Variants in VPS28 observed in about 807,000 individuals in gnomAD.
VPS28 encodes the protein VPS28 subunit of ESCRT-I, also known as vacuolar protein sorting-associated protein 28 homolog.
Under a neutral mutation model 33.7 loss-of-function variants are expected in VPS28, and 29 were observed. That is an observed-to-expected ratio of 0.86 (90% CI 0.64 to 1.17). The LOEUF (loss-of-function observed/expected upper bound fraction) is 1.17. Among genes scored for constraint, VPS28 ranks in the 50% most tolerant of loss-of-function variants. VPS28 has a pLI of 0.00. For missense variants in VPS28, 247 were observed against 312.2 expected (o/e 0.79, Z 1.57); for synonymous variants, 164 against 116.7 (o/e 1.40, Z -2.61).
Position 144,424,551 on chromosome 8 carries a change from G to A in VPS28, c.402+167C>T, listed in dbSNP as rs1463727389. The stretch of plus-strand genomic sequence containing the variant: ...CGACAGGAGTCCAGGTGGCCTGGGG[G>A]CGTCCCCGCATGCTGCCCACCCCTC... On this transcript the variant is annotated intron_variant, in intron 7 of 9. Coordinates refer to ENST00000292510, the MANE Select transcript of VPS28 (RefSeq NM_016208.4). 1.0e-5 allele frequency: 9 copies of A among 859,686 alleles called. No homozygotes were observed. The Admixed American group carries it at 2.0e-4, about 19-fold the overall frequency. 53.3% of individuals were successfully genotyped at this position (859,686 alleles called of 1,614,324 possible).
At position 144,423,678 on chromosome 8, in the gene VPS28, G is replaced by C. The variant is rs1822518346; in HGVS notation, c.*127C>G. The C allele has an allele frequency of 7.9e-7, 1 of 1,269,112 alleles. No individual in the cohort carries two copies. The allele number at this position is 1,269,112 out of a possible 1,614,324, so 78.6% of individuals were successfully genotyped here. A position where few individuals can be genotyped will look rare whatever the true frequency, so the allele number is the denominator to read the frequency against. On this transcript the variant is annotated 3_prime_UTR_variant, in exon 10 of 10. Transcript: ENST00000292510. ...CGGCCCCCAAAGTTCTGACACCAAAGACAGACACCAGACAGGCAGCTGCAG... is the reference window on the plus strand; with the variant it reads ...CGGCCCCCAAAGTTCTGACACCAAACACAGACACCAGACAGGCAGCTGCAG...
rs1399651201 is a variant in VPS28, at chr8:144,424,084, G to A, written c.505C>T (p.His169Tyr). 6.4e-6 allele frequency: 10 copies of A among 1,561,702 alleles called. No individual in the cohort carries two copies. Among genetic ancestry groups the A allele is most frequent in the Non-Finnish European group, 8.7e-6 (10 of 1,150,618 alleles). The change falls in exon 9 of 10, where the codon CAC becomes TAC. Residue 169 changes from histidine (H) to tyrosine (Y), a missense_variant. Transcript: ENST00000292510. Reference sequence around the variant, plus strand: ...CGGCCCTCAAAGTCGGGTGGGAGGTGGCTCATGCGGTGCATGGTCTCCATC... The same window carrying A: ...CGGCCCTCAAAGTCGGGTGGGAGGTAGCTCATGCGGTGCATGGTCTCCATC... ...ELMETMHRMS[H>Y]LPPDFEGRQT...
In VPS28 at chr8:144,424,986, G is replaced by A. The variant is rs1554876336; in HGVS notation, c.260C>T (p.Ser87Leu). Residue 87 changes from serine to leucine, a missense_variant, in exon 6 of 10, where the codon TCA becomes TTA. By Grantham distance (145) the Ser-to-Leu change is moderately radical. Coordinates refer to ENST00000292510, the MANE Select transcript of VPS28 (RefSeq NM_016208.4). ...GAATTCGTCAATAGAGCTGATTTCT[G>A]AGCCCTGGACCTGCCTGAAGGCAGC... is the stretch of plus-strand genomic sequence containing the variant. ...YKAAFRQVQG[S>L]EISSIDEFCR... 1.3e-6 allele frequency: 2 copies of A among 1,560,328 alleles called. No individual in the cohort carries two copies. The highest frequency in any genetic ancestry group is 1.7e-6 in the Non-Finnish European group (2 of 1,151,242).
chr8:144,424,270 TG>T lies in VPS28; in HGVS notation c.403-3del. ...CTTGTCCATGACCGTGATGAAGAGC[TG>T]GGGGCAGGTGTGCACATGAGGCTCG... On this transcript the variant is annotated splice_region_variant and splice_polypyrimidine_tract_variant and intron_variant, in intron 7 of 9. Coordinates refer to ENST00000292510, the MANE Select transcript of VPS28 (RefSeq NM_016208.4). 1 of 1,600,154 alleles carries T rather than the reference TG, an allele frequency of 6.2e-7. No individual in the cohort carries two copies. Among genetic ancestry groups the T allele is most frequent in the Non-Finnish European group, 8.5e-7 (1 of 1,172,360 alleles).
rs1302875635 is a variant in VPS28 at position 144,425,838 on chromosome 8, C to G, written c.105-66G>C. 12 of 1,602,930 alleles carry G rather than the reference C, an allele frequency of 7.5e-6. No individual in the cohort carries two copies. In the African/African-American group the frequency reaches 1.2e-4, roughly 16 times the overall value. On this transcript the variant is annotated intron_variant, in intron 4 of 9. Transcript: ENST00000292510. ...CAAGCCTAGAGCCCAGAGTGCTACC[C>G]CCTGCCCGGAGGTGCCACTGCGGGC...
chr8:144,427,449 G>A (rs974205183), intron 1 of VPS28, among the ~76,000 whole-genome samples: 1 of 152,176 alleles, frequency 6.6e-6, no homozygotes, highest in Non-Finnish European at 1.5e-5. Flanking sequence ...AAAAAGTGAG[G>A]TACTATGGAC....
Position 144,426,208 on chromosome 8 carries a change from G to A in VPS28, c.38C>T (p.Ala13Val), listed in dbSNP as rs1822733097. 3 of 1,602,926 alleles carry A rather than the reference G, an allele frequency of 1.9e-6. No homozygotes were observed. The highest frequency in any genetic ancestry group is 8.5e-7 in the Non-Finnish European group (1 of 1,175,098). The change falls in exon 3 of 10, where the codon GCC (alanine) becomes GTC (valine). Residue 13 changes from alanine to valine, a missense_variant and splice_region_variant. Transcript: ENST00000292510. Reference protein sequence around the residue: ...HGIPATPGIGAPGNKPELYEE... With the variant: ...HGIPATPGIGVPGNKPELYEE... ...ATACAGCTCCGGCTTGTTCCCAGGG[G>A]CTGCAAGAGAAGGCAGAGAGCTGGC... is the stretch of plus-strand genomic sequence containing the variant.
chr8:144,423,733 G>A lies in VPS28; in HGVS notation c.*72C>T, dbSNP rs782274158. ...TGAGTTGTGTGGATGACCACGGCCT[G>A]TGTGGCGGACAGGGGACCAGGAGCC... On this transcript the variant is annotated 3_prime_UTR_variant, in exon 10 of 10. Transcript: ENST00000292510. 21 of 1,584,028 alleles carry A rather than the reference G, an allele frequency of 1.3e-5. No individual in the cohort carries two copies. Among genetic ancestry groups the A allele is most frequent in the Admixed American group, 3.4e-5 (2 of 58,784 alleles).
intron 1 of VPS28, 45 bp downstream of exon 1, chr8:144,428,444 T>C: frequency 6.6e-6 from 1 of 152,214 alleles, no homozygotes; most frequent in East Asian, 1.9e-4. Flanking sequence ...GAGTCGCCTC[T>C]CCCCACTCTG....
chr8:144,426,103 G>A, intron 3 of VPS28, 40 bp from the exon 4 acceptor site: 2 of 1,563,512 alleles, frequency 1.3e-6, no homozygotes, highest in South Asian at 1.2e-5. Flanking sequence ...GTGCCAACAG[G>A]GGCTGCAGGA....
chr8:144,427,131 C>T, intron 1 of VPS28, 152 bp from the exon 2 acceptor site: 1 of 499,192 alleles, frequency 2.0e-6, no homozygotes, highest in Non-Finnish European at 3.6e-6. Context: ...GAAACCCTGT[C>T]TCTACTAAAA....
rs782172751 is a variant in VPS28 at position 144,424,092 on chromosome 8, C to T, written c.497G>A (p.Arg166His). Reference protein sequence around the residue: ...DLRELMETMHRMSHLPPDFEG... With the variant: ...DLRELMETMHHMSHLPPDFEG... ...AAAGTCGGGTGGGAGGTGGCTCATG[C>T]GGTGCATGGTCTCCATCAGCTCTCG... The change falls in exon 9 of 10, where the codon CGC becomes CAC. Residue 166 changes from arginine to histidine, a missense_variant. Physicochemically the swap from Arg to His is conservative, Grantham distance 29 (BLOSUM62 0). Around this residue, in one of 3 missense-constraint regions of VPS28, gnomAD observed 95 missense variants for 118.3 expected, o/e 0.80. Coordinates refer to ENST00000292510, the MANE Select transcript of VPS28 (RefSeq NM_016208.4). 24 of 1,560,190 alleles carry T rather than the reference C, an allele frequency of 1.5e-5. No individual in the cohort carries two copies. In the South Asian group the frequency reaches 2.7e-4, roughly 17 times the overall value.
rs1554876865 is a variant in VPS28 at position 144,426,689 on chromosome 8, C to T, written c.37+220G>A. 1.1e-5 allele frequency: 6 copies of T among 561,380 alleles called. No individual in the cohort carries two copies. The East Asian group carries it at 1.2e-4, about 12-fold the overall frequency. 34.8% of individuals were successfully genotyped at this position (561,380 alleles called of 1,614,324 possible). On this transcript the variant is annotated intron_variant, in intron 2 of 9. Transcript: ENST00000292510. ...CAGGACCCCCACCGTTCTGGCCACACCGAAGCTCATCATCTCTGCCCAGCA... is the reference window on the plus strand; with the variant it reads ...CAGGACCCCCACCGTTCTGGCCACATCGAAGCTCATCATCTCTGCCCAGCA...
chr8:144,423,772 C>T lies in VPS28; in HGVS notation c.*33G>A. The T allele has an allele frequency of 1.9e-6, 3 of 1,612,270 alleles. No homozygotes were observed. Among genetic ancestry groups the T allele is most frequent in the South Asian group, 1.1e-5 (1 of 91,036 alleles). On this transcript the variant is annotated 3_prime_UTR_variant, in exon 10 of 10. Transcript: ENST00000292510. ...GGACCAGGAGCCATCGCCTCAGACT[C>T]TGCCCTTCTGTGCAAGGGCTAGTGC...
intron 2 of VPS28, 95 bp from the exon 3 acceptor site, chr8:144,426,303 C>T (rs1332881878): frequency 7.0e-7 from 1 of 1,433,718 alleles, no homozygotes; most frequent in Non-Finnish European, 9.2e-7. Context: ...TCCCTGAGGC[C>T]TCCCAGGCTG....
At position 144,426,960 on chromosome 8, in the gene VPS28, G is replaced by T. The variant is rs532984905; in HGVS notation, c.-15C>A. 1.6e-5 allele frequency: 25 copies of T among 1,612,180 alleles called. No individual in the cohort carries two copies. In the African/African-American group the frequency reaches 2.7e-4, roughly 17 times the overall value. On this transcript the variant is annotated 5_prime_UTR_variant, in exon 2 of 10. Transcript: ENST00000292510. ...CCATGAAACATCCTCTAGGCTCTGG[G>T]GGGGGCACAGCACTGAGACCTGGGG...
At chr8:144,427,659 G>A (rs1007225928) in intron 1 of VPS28, among the ~76,000 whole-genome samples, 4 of 152,158 alleles carry the variant, frequency 2.6e-5, no homozygotes, top group Admixed American at 2.0e-4. Context: ...TCTCGAAAGA[G>A]GGGGTCCTAG....
chr8:144,424,244 G>A lies in VPS28; in HGVS notation c.427C>T (p.Leu143=). ...VSLFITVMDK[L]RLEIRAMDEI... Reference sequence around the variant, plus strand: ...TCCATGGCGCGGATCTCCAGACGCAGCTTGTCCATGACCGTGATGAAGAGC... The same window carrying A: ...TCCATGGCGCGGATCTCCAGACGCAACTTGTCCATGACCGTGATGAAGAGC... The change falls in exon 8 of 10, where the codon CTG becomes TTG. Residue 143 remains leucine, a synonymous_variant. Transcript: ENST00000292510. 1.9e-6 allele frequency: 3 copies of A among 1,606,336 alleles called. No individual in the cohort carries two copies. The highest frequency in any genetic ancestry group is 1.7e-4 in the Middle Eastern group (1 of 5,822).
At chr8:144,427,911 G>A (rs570958262) in intron 1 of VPS28, among the ~76,000 whole-genome samples, 2 of 152,210 alleles carry the variant, frequency 1.3e-5, no homozygotes, top group Non-Finnish European at 2.9e-5. Flanking sequence ...CAGACGGAGA[G>A]GGGAGGAGGA....
Sources: allele counts gnomAD v4.1 joint callset (sites outside exome capture counted in the v4.1 genomes callset), GRCh38; gene constraint gnomAD v4.1.1; regional missense constraint gnomAD v4.1.1; transcripts MANE v1.5; gene names NCBI Gene and HGNC (gene_info 2026-07-23, HGNC 2026-07-21).